RANBP2: variants seen among roughly 807,000 people sequenced by gnomAD.
The protein encoded by RANBP2 is E3 SUMO-protein ligase RanBP2.
A neutral mutation model predicts 303.6 loss-of-function variants in RANBP2; 57 were observed. The observed-to-expected ratio is 0.19, with a 90% confidence interval of 0.15 to 0.23. RANBP2 has a LOEUF of 0.23. Among genes scored for constraint, RANBP2 ranks in the 10% least tolerant of loss-of-function variants. The pLI is 1.00. For missense variants in RANBP2, 3,138 were observed against 3,780.8 expected (o/e 0.83, Z 4.46); for synonymous variants, 1,167 against 1,301.5 (o/e 0.90, Z 2.23).
At chr2:109,365,075 C>G in the RANBP2 span, among the ~76,000 whole-genome samples, 1 of 151,980 alleles carries the variant, frequency 6.6e-6, no homozygotes, top group African/African-American at 2.4e-5. Context: ...AACAAACAAA[C>G]AAAACATCCC....
chr2:109,053,596 G>A, the RANBP2 span, among the ~76,000 whole-genome samples: 73 of 152,332 alleles, frequency 4.8e-4, no homozygotes, highest in Non-Finnish European at 9.6e-4. Flanking sequence ...AGACTGGCTG[G>A]TGATGAGTCC....
the RANBP2 span, among the ~76,000 whole-genome samples, chr2:109,222,497 A>G: frequency 6.8e-6 from 1 of 147,752 alleles, no homozygotes; most frequent in Non-Finnish European, 1.5e-5. Context: ...CTCCAAAAAA[A>G]TAAAAAGAGT....
the RANBP2 span, among the ~76,000 whole-genome samples, chr2:109,068,565 CATT>C: frequency 2.1e-3 from 315 of 152,268 alleles, 1 homozygote; most frequent in Non-Finnish European, 3.4e-3. Context: ...TCATTATTAT[CATT>C]ATTTCTCATG....
At chr2:109,614,603 C>T in the RANBP2 span, 1 of 1,454,596 alleles carries the variant, frequency 6.9e-7, no homozygotes, top group Non-Finnish European at 9.0e-7. Flanking sequence ...TGCAGCACTT[C>T]AGGGGCGCCC....
At chr2:108,827,178 A>G in the RANBP2 span, among the ~76,000 whole-genome samples, 1 of 152,202 alleles carries the variant, frequency 6.6e-6, no homozygotes, top group East Asian at 1.9e-4. Flanking sequence ...ATTGAAAGGC[A>G]GACCTATTTT....
the RANBP2 span, among the ~76,000 whole-genome samples, chr2:109,381,729 A>G: frequency 1.3e-5 from 2 of 152,276 alleles, no homozygotes; most frequent in East Asian, 1.9e-4. Context: ...CAAGCCAGGA[A>G]TAGATAGTCT....
chr2:109,794,619 G>GCGGCGGCGGCGGCGGCCGGGGGGGGGCGC, the RANBP2 span: 3 of 476,904 alleles, frequency 6.3e-6, no homozygotes, highest in Admixed American at 2.0e-4. Context: ...GGGGGGGGCG[G>GCGGCGGCGGCGGCGGCCGGGGGGGGGCGC]CGGCGGCGGC....
chr2:109,136,727 T>A, the RANBP2 span, among the ~76,000 whole-genome samples: 1 of 152,332 alleles, frequency 6.6e-6, no homozygotes, highest in African/African-American at 2.4e-5. Context: ...CATTTCCACT[T>A]AATGTAATGT....
the RANBP2 span, among the ~76,000 whole-genome samples, chr2:109,202,422 A>G: frequency 6.6e-6 from 1 of 152,176 alleles, no homozygotes; most frequent in Non-Finnish European, 1.5e-5. Context: ...TGTACTTTTT[A>G]GTACAATTAC....
chr2:109,593,666 A>G, the RANBP2 span, among the ~76,000 whole-genome samples: 2 of 152,028 alleles, frequency 1.3e-5, no homozygotes, highest in African/African-American at 4.8e-5. Context: ...GGCCTCCCAG[A>G]GTGCTAGGAT....
At chr2:109,696,218 C>T in the RANBP2 span, among the ~76,000 whole-genome samples, 3 of 152,208 alleles carry the variant, frequency 2.0e-5, no homozygotes, top group Non-Finnish European at 4.4e-5. Context: ...CTGCCTCAGC[C>T]TCCCACTGTC....
the RANBP2 span, among the ~76,000 whole-genome samples, chr2:109,581,469 A>C: frequency 6.6e-6 from 1 of 151,862 alleles, no homozygotes; most frequent in Non-Finnish European, 1.5e-5. Flanking sequence ...AGTAAAGTTT[A>C]TTCTATGTAC....
At chr2:109,341,578 TG>T in the RANBP2 span, among the ~76,000 whole-genome samples, 1 of 152,128 alleles carries the variant, frequency 6.6e-6, no homozygotes, top group Non-Finnish European at 1.5e-5. Context: ...GATCCCAAAA[TG>T]TGTTGGCTCA....
At chr2:109,071,282 A>G in the RANBP2 span, among the ~76,000 whole-genome samples, 1 of 152,368 alleles carries the variant, frequency 6.6e-6, no homozygotes, top group East Asian at 1.9e-4. Context: ...ATCTGGATAC[A>G]GAGATATGGA....
intron 8 of RANBP2, among the ~76,000 whole-genome samples, chr2:108,748,678 A>G (rs535344235): frequency 1.3e-5 from 2 of 152,264 alleles, no homozygotes; most frequent in East Asian, 1.9e-4. Flanking sequence ...GGCATTTTTC[A>G]TACACATTCC....
chr2:109,180,561 A>T, the RANBP2 span, among the ~76,000 whole-genome samples: 2 of 152,140 alleles, frequency 1.3e-5, no homozygotes, highest in East Asian at 3.9e-4. Flanking sequence ...GAGATAATTG[A>T]ATCATGGGGG....
chr2:109,032,410 C>T, the RANBP2 span, among the ~76,000 whole-genome samples: 1 of 152,180 alleles, frequency 6.6e-6, no homozygotes, highest in Non-Finnish European at 1.5e-5. Context: ...GCACCGTCTG[C>T]AAACAGATGC....
At chr2:108,933,346 G>C in the RANBP2 span, among the ~76,000 whole-genome samples, 4 of 152,166 alleles carry the variant, frequency 2.6e-5, no homozygotes, top group Non-Finnish European at 1.5e-5. Context: ...CTAGAAGAGA[G>C]AGTATGAATT....
chr2:109,601,819 T>C, the RANBP2 span, among the ~76,000 whole-genome samples: 1 of 152,090 alleles, frequency 6.6e-6, no homozygotes, highest in Non-Finnish European at 1.5e-5. Context: ...AGATTAAGTT[T>C]TCTAATACTC....
Sources: allele counts gnomAD v4.1 joint callset (sites outside exome capture counted in the v4.1 genomes callset), GRCh38; gene constraint gnomAD v4.1.1; transcripts MANE v1.5; gene names NCBI Gene and HGNC (gene_info 2026-07-23, HGNC 2026-07-21).